The following NARS2 variants were observed in gnomAD, a reference collection of about 807,000 sequenced individuals.
NARS2 encodes the protein asparaginyl-tRNA synthetase.
In NARS2, 60 loss-of-function variants were observed where a neutral mutation model predicts 62.9. The observed-to-expected ratio is 0.95, with a 90% confidence interval of 0.77 to 1.18. The LOEUF (loss-of-function observed/expected upper bound fraction) is 1.18. Ranked by LOEUF, NARS2 falls within the 50% of genes most tolerant of loss-of-function variation. The pLI is 0.00. For synonymous variants in NARS2, 196 were observed against 200.0 expected, an observed-to-expected ratio of 0.98 and a Z score of 0.17; for missense variants, 619 against 576.4, an observed-to-expected ratio of 1.07 and a Z score of -0.76.
chr11:78,508,744 T>C (rs936082770), intron 6 of NARS2, among the ~76,000 whole-genome samples: 4 of 151,806 alleles, frequency 2.6e-5, no homozygotes, highest in African/African-American at 9.7e-5. Context: ...CCAAGAAACA[T>C]TATAATCAAA....
At chr11:78,536,916 T>C (rs1451627930) in intron 5 of NARS2, among the ~76,000 whole-genome samples, 1 of 152,248 alleles carries the variant, frequency 6.6e-6, no homozygotes, top group Admixed American at 6.5e-5. Context: ...AAACCTTTTA[T>C]ACTGTATTTT....
In NARS2 at chr11:78,574,640, T is replaced by C; in HGVS notation, c.-152A>G. 1 of 780,880 alleles carries C rather than the reference T, an allele frequency of 1.3e-6. No homozygotes were observed. The highest frequency in any genetic ancestry group is 2.0e-6 in the Non-Finnish European group (1 of 503,396). The allele number at this position is 780,880 out of a possible 1,614,324, so 48.4% of individuals were successfully genotyped here. Reference sequence around the variant, plus strand: ...GCCCCTCGGCTGCGCGCTTTCTCCTTCAGGACTCCCAGCTCTGTCCCCACA... The same window carrying C: ...GCCCCTCGGCTGCGCGCTTTCTCCTCCAGGACTCCCAGCTCTGTCCCCACA... On this transcript the variant is annotated 5_prime_UTR_variant, in exon 1 of 14. Coordinates refer to ENST00000281038, the MANE Select transcript of NARS2 (RefSeq NM_024678.6).
intron 6 of NARS2, among the ~76,000 whole-genome samples, chr11:78,510,688 T>C (rs1860688971): frequency 1.3e-5 from 2 of 152,212 alleles, no homozygotes; most frequent in South Asian, 2.1e-4. Context: ...TGAATATATA[T>C]TCATTAAAAA....
intron 11 of NARS2, among the ~76,000 whole-genome samples, chr11:78,455,551 A>C (rs75803566): frequency 0.025 from 3,871 of 152,176 alleles, 169 homozygotes; most frequent in African/African-American, 0.089. Context: ...ACCCCTACCA[A>C]AAGTAACCTC....
At chr11:78,547,372 A>C (rs948274599) in intron 5 of NARS2, among the ~76,000 whole-genome samples, 1 of 152,206 alleles carries the variant, frequency 6.6e-6, no homozygotes, top group African/African-American at 2.4e-5. Context: ...CCCAATACTA[A>C]CTTGTGCATA....
intron 6 of NARS2, among the ~76,000 whole-genome samples, chr11:78,525,176 G>C (rs886853246): frequency 6.6e-6 from 1 of 151,998 alleles, no homozygotes; most frequent in Non-Finnish European, 1.5e-5. Flanking sequence ...AAAGTTCTAG[G>C]GCAGCAAAAA....
At position 78,574,780 on chromosome 11, in the gene NARS2, G is replaced by A. The variant is rs1049421459; in HGVS notation, c.-292C>T. The A allele has an allele frequency of 1.2e-5, 5 of 400,216 alleles. No homozygotes were observed. Among genetic ancestry groups the A allele is most frequent in the African/African-American group, 8.3e-5 (4 of 48,248 alleles). The allele number at this position is 400,216 out of a possible 1,614,324, so 24.8% of individuals were successfully genotyped here. A position where few individuals can be genotyped will look rare whatever the true frequency, so the allele number is the denominator to read the frequency against. The stretch of plus-strand genomic sequence containing the variant: ...GGGCGCCCCACTACCCGCGACAATT[G>A]TAAACCTACGAACAGAACCCGGGCC... On this transcript the variant is annotated 5_prime_UTR_variant, in exon 1 of 14. Coordinates refer to ENST00000281038, the MANE Select transcript of NARS2 (RefSeq NM_024678.6).
chr11:78,504,768 A>G (rs535781517), intron 6 of NARS2, among the ~76,000 whole-genome samples: 3 of 152,322 alleles, frequency 2.0e-5, no homozygotes, highest in South Asian at 4.1e-4. Context: ...ACAAGCAAAT[A>G]TAACACCGGT....
At chr11:78,472,961 G>A (rs1024443854) in intron 9 of NARS2, among the ~76,000 whole-genome samples, 6 of 152,192 alleles carry the variant, frequency 3.9e-5, no homozygotes, top group Non-Finnish European at 7.3e-5. Context: ...ATCTCATTAT[G>A]CTTTCAGTGG....
chr11:78,566,874 T>C (rs1371807966), intron 3 of NARS2, among the ~76,000 whole-genome samples: 1 of 152,184 alleles, frequency 6.6e-6, no homozygotes, highest in Non-Finnish European at 1.5e-5. Flanking sequence ...GACAGACACA[T>C]CCTTTCAGAC....
intron 11 of NARS2, among the ~76,000 whole-genome samples, chr11:78,459,436 A>G (rs919386493): frequency 1.4e-5 from 2 of 146,160 alleles, no homozygotes; most frequent in East Asian, 2.1e-4. Context: ...ACGCCCAGCT[A>G]ATTTTGTATT....
At chr11:78,453,129 T>C (rs1057419166) in intron 11 of NARS2, among the ~76,000 whole-genome samples, 2 of 152,218 alleles carry the variant, frequency 1.3e-5, no homozygotes, top group African/African-American at 4.8e-5. Context: ...AGAAGGAGTT[T>C]AGCTCTGCCG....
chr11:78,488,256 G>C (rs1053705716), intron 7 of NARS2, among the ~76,000 whole-genome samples: 4 of 149,382 alleles, frequency 2.7e-5, no homozygotes, highest in African/African-American at 7.4e-5. Flanking sequence ...AAAAAAAACT[G>C]TGTATGTGTG....
At chr11:78,437,943 C>G (rs555820880) in intron 13 of NARS2, among the ~76,000 whole-genome samples, 36 of 141,848 alleles carry the variant, frequency 2.5e-4, no homozygotes, top group African/African-American at 9.2e-4. Context: ...CCACTGCACT[C>G]CAGCCTGGGT....
intron 6 of NARS2, among the ~76,000 whole-genome samples, chr11:78,528,189 T>G (rs1197011393): frequency 6.6e-6 from 1 of 152,086 alleles, no homozygotes; most frequent in Non-Finnish European, 1.5e-5. Context: ...ACTGTGCAAC[T>G]ACACTCCAGC....
At chr11:78,548,559 C>A (rs1019573194) in intron 5 of NARS2, among the ~76,000 whole-genome samples, 1 of 152,206 alleles carries the variant, frequency 6.6e-6, no homozygotes, top group Non-Finnish European at 1.5e-5. Flanking sequence ...TGCTTCTGCA[C>A]ACTGTTTTAC....
chr11:78,479,195 A>T (rs1859242000), intron 7 of NARS2, among the ~76,000 whole-genome samples: 1 of 152,234 alleles, frequency 6.6e-6, no homozygotes, highest in African/African-American at 2.4e-5. Flanking sequence ...TACAGAAATG[A>T]TGATATATCT....
intron 5 of NARS2, among the ~76,000 whole-genome samples, chr11:78,551,002 T>C (rs1000402762): frequency 3.9e-5 from 6 of 152,184 alleles, no homozygotes; most frequent in Admixed American, 1.3e-4. Context: ...TCCATTTATA[T>C]GAAAAGTTTC....
chr11:78,567,103 GA>G (rs1420960059), intron 3 of NARS2, among the ~76,000 whole-genome samples: 1 of 152,140 alleles, frequency 6.6e-6, no homozygotes, highest in African/African-American at 2.4e-5. Context: ...AAATGATACT[GA>G]ATCAGAGGGC....
Sources: allele counts gnomAD v4.1 joint callset (sites outside exome capture counted in the v4.1 genomes callset), GRCh38; gene constraint gnomAD v4.1.1; transcripts MANE v1.5; gene names NCBI Gene and HGNC (gene_info 2026-07-23, HGNC 2026-07-21).